Variants in MAD1L1 observed in about 807,000 individuals in gnomAD.
MAD1L1 encodes the protein mitotic arrest deficient 1 like 1.
Under a neutral mutation model 96.9 loss-of-function variants are expected in MAD1L1, and 95 were observed. The observed-to-expected ratio is 0.98, with a 90% CI of 0.83 to 1.16. The LOEUF is 1.16. MAD1L1 is among the 50% of genes most tolerant of loss of function. The probability of loss-of-function intolerance (pLI) is 0.00; values close to 1 mark genes in which losing one functional copy is unlikely to be tolerated. For missense variants in MAD1L1, 1,007 were observed against 954.4 expected, an observed-to-expected ratio of 1.06 and a Z score of -0.73; for synonymous variants, 473 against 396.6, an observed-to-expected ratio of 1.19 and a Z score of -2.29.
intron 10 of MAD1L1, among the ~76,000 whole-genome samples, chr7:2,189,370 G>A (rs1252503438): frequency 6.6e-6 from 1 of 152,226 alleles, no homozygotes; most frequent in Non-Finnish European, 1.5e-5. Context: ...ATTCACAGTA[G>A]CTACAATGTG....
At chr7:1,899,195 G>A (rs555442215) in intron 17 of MAD1L1, among the ~76,000 whole-genome samples, 1 of 152,236 alleles carries the variant, frequency 6.6e-6, no homozygotes, top group South Asian at 2.1e-4. Context: ...GCCATCAGGA[G>A]GATAACAGCG....
chr7:2,225,529 T>C lies in MAD1L1; in HGVS notation c.172A>G (p.Ile58Val), dbSNP rs1417592206. 1 of 1,613,738 alleles carries C rather than the reference T, an allele frequency of 6.2e-7. No homozygotes were observed. ...TGGATGAGGTGGGACTTCGAACGGA[T>C]CTGCTCTGCTCTTTCCTCCAGCTGA... ...SMQLEERAEQ[I>V]RSKSHLIQVE... The change falls in exon 4 of 19, where the codon ATC (isoleucine) becomes GTC (valine). Residue 58 changes from isoleucine (I) to valine (V), a missense_variant. Coordinates refer to ENST00000265854, the MANE Select transcript of MAD1L1 (RefSeq NM_001013836.2).
chr7:1,891,475 G>A (rs911761443), intron 18 of MAD1L1, among the ~76,000 whole-genome samples: 36 of 152,198 alleles, frequency 2.4e-4, no homozygotes, highest in African/African-American at 5.3e-4. Context: ...GCAGTGAGCC[G>A]AAATCGCGCC....
rs565120433 is a variant in MAD1L1 at position 2,203,574 on chromosome 7, T to C, written c.986+9638A>G. Among the ~76,000 whole-genome samples, 5 of 152,290 alleles carry C rather than the reference T, an allele frequency of 3.3e-5. No individual in the cohort carries two copies. In the Middle Eastern group the frequency reaches 0.017, roughly 518 times the overall value. ...GGAAAGAAGCTGGAAACACCCTAAG[T>C]GTCCATCAACAGGGGCTGCTGGAGT... On this transcript the variant is annotated intron_variant, in intron 10 of 18. Coordinates refer to ENST00000265854, the MANE Select transcript of MAD1L1 (RefSeq NM_001013836.2).
intron 10 of MAD1L1, among the ~76,000 whole-genome samples, chr7:2,190,537 G>A (rs186434984): frequency 3.9e-5 from 6 of 152,220 alleles, no homozygotes; most frequent in East Asian, 1.9e-4. Context: ...GCCACGTACC[G>A]GGAGAAAATA....
chr7:1,958,039 T>A (rs917181619), intron 15 of MAD1L1, among the ~76,000 whole-genome samples: 6 of 152,136 alleles, frequency 3.9e-5, no homozygotes, highest in Admixed American at 6.5e-5. Flanking sequence ...AGTCAGTGTG[T>A]CCGTGTCCGT....
chr7:1,931,178 C>T (rs1304635759), intron 17 of MAD1L1, among the ~76,000 whole-genome samples: 2 of 110,746 alleles, frequency 1.8e-5, no homozygotes, highest in Non-Finnish European at 3.9e-5. Context: ...GTCACAGGAG[C>T]GAGGGCGCGT....
chr7:1,953,829 GAC>G (rs2128472465), intron 16 of MAD1L1, among the ~76,000 whole-genome samples: 1 of 152,384 alleles, frequency 6.6e-6, no homozygotes, highest in South Asian at 2.1e-4. Flanking sequence ...ACTGCTGGGT[GAC>G]ACGGGGGCCC....
chr7:2,194,860 A>C (rs1027237484), intron 10 of MAD1L1, among the ~76,000 whole-genome samples: 11 of 152,070 alleles, frequency 7.2e-5, no homozygotes, highest in African/African-American at 2.7e-4. Flanking sequence ...GATCACCTGA[A>C]GTTAGGAGTT....
intron 12 of MAD1L1, among the ~76,000 whole-genome samples, chr7:2,041,402 G>C (rs996426732): frequency 2.0e-5 from 3 of 152,056 alleles, no homozygotes; most frequent in African/African-American, 7.2e-5. Flanking sequence ...GCCCATCCCT[G>C]CCAGCCCCAA....
intron 11 of MAD1L1, among the ~76,000 whole-genome samples, chr7:2,100,650 G>A (rs1223488602): frequency 6.6e-6 from 1 of 152,250 alleles, no homozygotes; most frequent in Non-Finnish European, 1.5e-5. Flanking sequence ...CGGCCGCACT[G>A]GGCCAGCACA....
intron 14 of MAD1L1, among the ~76,000 whole-genome samples, chr7:1,990,240 C>T (rs1229428364): frequency 6.6e-6 from 1 of 152,206 alleles, no homozygotes; most frequent in East Asian, 1.9e-4. Context: ...GCTCACATCC[C>T]AGGGCTCCCT....
chr7:1,898,399 G>A lies in MAD1L1; in HGVS notation c.1808-9C>T, dbSNP rs1787027941. ...CACCTGCTTCTTCAGCTCTGCGGGAGGGACGGAAGGAGACAGTGAGTGCGG... is the reference window on the plus strand; with the variant it reads ...CACCTGCTTCTTCAGCTCTGCGGGAAGGACGGAAGGAGACAGTGAGTGCGG... On this transcript the variant is annotated splice_polypyrimidine_tract_variant and intron_variant, in intron 17 of 18. Coordinates refer to ENST00000265854, the MANE Select transcript of MAD1L1 (RefSeq NM_001013836.2). The A allele has an allele frequency of 2.5e-6, 4 of 1,612,856 alleles. No individual in the cohort carries two copies. The highest frequency in any genetic ancestry group is 3.4e-6 in the Non-Finnish European group (4 of 1,179,236).
Position 1,815,872 on chromosome 7 carries a change from G to A in MAD1L1, c.*198C>T, listed in dbSNP as rs1345824171. The A allele has an allele frequency of 5.1e-6, 3 of 586,362 alleles. No individual in the cohort carries two copies. The highest frequency in any genetic ancestry group is 3.3e-5 in the Admixed American group (1 of 30,680). The allele number at this position is 586,362 out of a possible 1,614,324, so 36.3% of individuals were successfully genotyped here. Reference sequence around the variant, plus strand: ...ACGCCCACACACCAGGCTCCGGGACGCATGGGGTCTGCACGTGGAGAGGGT... The same window carrying A: ...ACGCCCACACACCAGGCTCCGGGACACATGGGGTCTGCACGTGGAGAGGGT... On this transcript the variant is annotated 3_prime_UTR_variant, in exon 19 of 19. Coordinates refer to ENST00000265854, the MANE Select transcript of MAD1L1 (RefSeq NM_001013836.2).
intron 10 of MAD1L1, among the ~76,000 whole-genome samples, chr7:2,186,453 T>A (rs527422875): frequency 6.6e-6 from 1 of 152,256 alleles, no homozygotes; most frequent in Non-Finnish European, 1.5e-5. Flanking sequence ...CCATTTGTTA[T>A]GTACGTAAGA....
intron 11 of MAD1L1, among the ~76,000 whole-genome samples, chr7:2,080,202 A>G (rs1785569896): frequency 6.6e-6 from 1 of 152,138 alleles, no homozygotes; most frequent in Admixed American, 6.5e-5. Context: ...GAACAAAGCC[A>G]CTCCCATTCA....
chr7:1,982,228 T>C (rs1780939113), intron 14 of MAD1L1, among the ~76,000 whole-genome samples: 1 of 152,014 alleles, frequency 6.6e-6, no homozygotes, highest in Admixed American at 6.5e-5. Context: ...TATACATATA[T>C]ATTCTGAGAC....
At chr7:1,980,716 C>T (rs1780865432) in intron 14 of MAD1L1, 175 bp from the exon 15 acceptor site, 1 of 705,688 alleles carries the variant, frequency 1.4e-6, no homozygotes, top group Admixed American at 2.0e-5. Flanking sequence ...AGCACTCTAA[C>T]TTTGCAAACT....
chr7:2,032,110 C>T (rs572141843), intron 12 of MAD1L1, among the ~76,000 whole-genome samples: 1 of 152,378 alleles, frequency 6.6e-6, no homozygotes, highest in Admixed American at 6.5e-5. Context: ...CAAGGAGTTT[C>T]CATGCATCAG....
Sources: gnomAD v4.1 joint callset for allele counts (sites outside exome capture counted in the v4.1 genomes callset) on GRCh38, gnomAD v4.1.1 for gene constraint, MANE v1.5 for transcripts, NCBI Gene and HGNC (gene_info 2026-07-23, HGNC 2026-07-21) for gene names.